The following PITPNM2 variants were observed in gnomAD, a reference collection of about 807,000 sequenced individuals.
The protein encoded by PITPNM2 is phosphatidylinositol transfer protein membrane associated 2.
Under a neutral mutation model 132.2 loss-of-function variants are expected in PITPNM2, and 35 were observed. That is an observed-to-expected ratio of 0.26 (90% confidence interval 0.20 to 0.35). The LOEUF (loss-of-function observed/expected upper bound fraction) is 0.35. PITPNM2 is among the 10% of genes least tolerant of loss of function. The pLI is 1.00. For missense variants in PITPNM2, 1,332 were observed against 1,912.0 expected (o/e 0.70, Z 5.66); for synonymous variants, 738 against 799.2 (o/e 0.92, Z 1.29).
intron 2 of PITPNM2, among the ~76,000 whole-genome samples, chr12:123,098,534 T>C (rs2042468965): frequency 1.3e-5 from 2 of 152,110 alleles, no homozygotes; most frequent in African/African-American, 2.4e-5. Context: ...AGACTCTGTC[T>C]CTACAAAAAG....
intron 2 of PITPNM2, chr12:123,088,939 C>G (rs1238279849): frequency 6.6e-6 from 1 of 152,266 alleles, no homozygotes; most frequent in Non-Finnish European, 1.5e-5. Context: ...GCCCTCTGTC[C>G]CCCTTACTAA....
At chr12:123,116,269 G>A (rs2042934390) in intron 1 of PITPNM2, among the ~76,000 whole-genome samples, 1 of 152,136 alleles carries the variant, frequency 6.6e-6, no homozygotes, top group African/African-American at 2.4e-5. Flanking sequence ...ATAGCCAAAA[G>A]GTGGGCACAA....
intron 2 of PITPNM2, among the ~76,000 whole-genome samples, chr12:123,053,584 T>G (rs2040928998): frequency 6.7e-6 from 1 of 149,678 alleles, no homozygotes; most frequent in Non-Finnish European, 1.5e-5. Context: ...TTTTTTTTTT[T>G]GAGACGGAGT....
At chr12:123,034,321 C>T (rs1392349) in intron 3 of PITPNM2, 192 bp downstream of exon 3, 6,146 of 542,528 alleles carry the variant, frequency 0.011, 312 homozygotes, top group African/African-American at 0.11. Context: ...TGATGCCGTG[C>T]GCCCATGGTG....
chr12:123,050,002 T>C (rs561995558), intron 2 of PITPNM2, among the ~76,000 whole-genome samples: 49 of 152,320 alleles, frequency 3.2e-4, no homozygotes, highest in Non-Finnish European at 6.3e-4. Flanking sequence ...CAGCTAAGAT[T>C]CTCCAAGAAT....
At position 123,034,470 on chromosome 12, in the gene PITPNM2, G is replaced by A. The variant is rs775130083; in HGVS notation, c.78+43C>T. 60 of 1,574,690 alleles carry A rather than the reference G, an allele frequency of 3.8e-5. No individual in the cohort carries two copies. In the East Asian group the frequency reaches 6.7e-4, roughly 18 times the overall value. On this transcript the variant is annotated intron_variant, in intron 3 of 25. Transcript: ENST00000320201. ...ACATGTGGTGTCTGTGCGCTGGCGCGACCCACCCTCACCCCATGACCCACC... is the reference window on the plus strand; with the variant it reads ...ACATGTGGTGTCTGTGCGCTGGCGCAACCCACCCTCACCCCATGACCCACC...
chr12:123,007,882 A>C (rs1460570593), intron 6 of PITPNM2, among the ~76,000 whole-genome samples: 1 of 152,050 alleles, frequency 6.6e-6, no homozygotes, highest in African/African-American at 2.4e-5. Context: ...TTGCCTCCTC[A>C]AGGCCCCCAA....
At chr12:123,046,249 C>T (rs541176299) in intron 2 of PITPNM2, among the ~76,000 whole-genome samples, 1 of 152,140 alleles carries the variant, frequency 6.6e-6, no homozygotes, top group East Asian at 1.9e-4. Context: ...GCCAGGGTCT[C>T]ATCAGACCCC....
At chr12:123,017,928 C>A (rs2039490214) in intron 3 of PITPNM2, among the ~76,000 whole-genome samples, 1 of 151,422 alleles carries the variant, frequency 6.6e-6, no homozygotes, top group Non-Finnish European at 1.5e-5. Flanking sequence ...CCATCCCTTC[C>A]TCCCTCCCTC....
chr12:122,995,704 C>A, intron 13 of PITPNM2, 44 bp from the exon 14 acceptor site: 1 of 1,526,424 alleles, frequency 6.6e-7, no homozygotes, highest in Non-Finnish European at 8.8e-7. Flanking sequence ...GGCCGCTGGC[C>A]TGACCCCTTC....
At chr12:123,104,698 C>A (rs938174824) in intron 2 of PITPNM2, among the ~76,000 whole-genome samples, 2 of 152,114 alleles carry the variant, frequency 1.3e-5, no homozygotes, top group African/African-American at 4.8e-5. Context: ...TCTCCCTTCG[C>A]TGACTCTCTT....
intron 10 of PITPNM2, among the ~76,000 whole-genome samples, chr12:122,999,897 TG>T (rs572783070): frequency 1.3e-5 from 2 of 152,002 alleles, no homozygotes; most frequent in African/African-American, 4.8e-5. Flanking sequence ...GCCCCTCCCC[TG>T]GGGGGGCGTC....
At chr12:123,033,586 C>G (rs1438094677) in intron 3 of PITPNM2, among the ~76,000 whole-genome samples, 1 of 152,168 alleles carries the variant, frequency 6.6e-6, no homozygotes, top group Non-Finnish European at 1.5e-5. Flanking sequence ...TGCAAGCAGT[C>G]AGGGTGGTGA....
chr12:123,040,748 T>C (rs113985700), intron 2 of PITPNM2, among the ~76,000 whole-genome samples: 6,526 of 151,902 alleles, frequency 0.043, 448 homozygotes, highest in African/African-American at 0.14. Context: ...ATGTAGAACA[T>C]GATACTTTTT....
chr12:123,129,332 G>A (rs540373272), intron 1 of PITPNM2, among the ~76,000 whole-genome samples: 66 of 152,240 alleles, frequency 4.3e-4, no homozygotes, highest in African/African-American at 1.4e-3. Flanking sequence ...ACTTTGGGAG[G>A]CCGAGGCGGG....
At chr12:123,042,050 C>T (rs1566263455) in intron 2 of PITPNM2, among the ~76,000 whole-genome samples, 2 of 152,030 alleles carry the variant, frequency 1.3e-5, no homozygotes, top group African/African-American at 2.4e-5. Context: ...GTGGGCAAGG[C>T]GCGAGGTGCA....
chr12:123,125,587 G>A (rs2043119806), intron 1 of PITPNM2, among the ~76,000 whole-genome samples: 1 of 152,012 alleles, frequency 6.6e-6, no homozygotes, highest in Admixed American at 6.6e-5. Flanking sequence ...GCTCACGCCT[G>A]TAATCCCAGC....
At chr12:123,151,153 C>G (rs1455611015), upstream of PITPNM2, among the ~76,000 whole-genome samples, 2 of 146,144 alleles carry the variant, frequency 1.4e-5, no homozygotes, top group African/African-American at 4.9e-5. Flanking sequence ...TCAGGCCGCG[C>G]GGGGGAGCGG....
intron 2 of PITPNM2, among the ~76,000 whole-genome samples, chr12:123,057,040 T>C (rs2041053093): frequency 6.6e-6 from 1 of 152,120 alleles, no homozygotes; most frequent in South Asian, 2.1e-4. Flanking sequence ...TGTGTGAGAA[T>C]TCCTTCCTAA....
Sources: gnomAD v4.1 joint callset for allele counts (sites outside exome capture counted in the v4.1 genomes callset) on GRCh38, gnomAD v4.1.1 for gene constraint, MANE v1.5 for transcripts, NCBI Gene and HGNC (gene_info 2026-07-23, HGNC 2026-07-21) for gene names.